The following CALD1 variants were observed in gnomAD, a reference collection of about 807,000 sequenced individuals.
The protein encoded by CALD1 is caldesmon.
A neutral mutation model predicts 99.9 loss-of-function variants in CALD1; 33 were observed. The ratio of observed to expected loss-of-function variants is 0.33; its 90% CI spans 0.25 to 0.44. The LOEUF (loss-of-function observed/expected upper bound fraction) is 0.44, where lower values mean the gene tolerates loss of function less well. Ranked by LOEUF, CALD1 falls within the 20% of genes least tolerant of loss-of-function variation. The pLI is 1.00. For missense variants in CALD1, 861 were observed against 962.1 expected (o/e 0.89, Z 1.39); for synonymous variants, 310 against 325.0 (o/e 0.95, Z 0.50).
chr7:134,895,553 T>C (rs1194594769), intron 3 of CALD1, among the ~76,000 whole-genome samples: 1 of 152,250 alleles, frequency 6.6e-6, no homozygotes, highest in South Asian at 2.1e-4. Flanking sequence ...CTTTTAAATC[T>C]CTTCTAATAC....
the CALD1 span, among the ~76,000 whole-genome samples, chr7:134,718,271 T>A: frequency 6.6e-6 from 1 of 152,232 alleles, no homozygotes; most frequent in Admixed American, 6.5e-5. Flanking sequence ...TATTGTAAGC[T>A]TGATGTCATA....
At chr7:134,856,051 A>G (rs1197157526) in intron 2 of CALD1, among the ~76,000 whole-genome samples, 1 of 152,182 alleles carries the variant, frequency 6.6e-6, no homozygotes, top group Admixed American at 6.5e-5. Context: ...GAGGAACTCT[A>G]ACATCAGCTG....
At chr7:134,735,754 A>G in the CALD1 span, among the ~76,000 whole-genome samples, 2 of 152,178 alleles carry the variant, frequency 1.3e-5, no homozygotes, top group East Asian at 3.8e-4. Flanking sequence ...TTGAATTTGG[A>G]ACTTTTTTCT....
the CALD1 span, among the ~76,000 whole-genome samples, chr7:134,715,456 C>T: frequency 6.6e-6 from 1 of 152,192 alleles, no homozygotes; most frequent in African/African-American, 2.4e-5. Context: ...AAAGACCACG[C>T]TCCATTAAAT....
chr7:134,850,170 A>G (rs1800018191), intron 2 of CALD1, among the ~76,000 whole-genome samples: 1 of 152,238 alleles, frequency 6.6e-6, no homozygotes, highest in South Asian at 2.1e-4. Flanking sequence ...ATAAACATCA[A>G]ATATGAACGG....
At chr7:134,815,249 A>G (rs369945604) in intron 1 of CALD1, among the ~76,000 whole-genome samples, 4 of 152,202 alleles carry the variant, frequency 2.6e-5, no homozygotes, top group African/African-American at 9.6e-5. Context: ...TAGGCTGTGC[A>G]TATTGTCTGA....
intron 2 of CALD1, among the ~76,000 whole-genome samples, chr7:134,853,318 CA>C (rs1800156916): frequency 6.6e-6 from 1 of 152,136 alleles, no homozygotes; most frequent in Admixed American, 6.5e-5. Flanking sequence ...CCTAGGGGAG[CA>C]AATGTCTGGC....
At chr7:134,889,023 T>C (rs1271689362) in intron 3 of CALD1, among the ~76,000 whole-genome samples, 1 of 152,196 alleles carries the variant, frequency 6.6e-6, no homozygotes, top group Non-Finnish European at 1.5e-5. Flanking sequence ...ATTCTGAATA[T>C]GCCAAAACCA....
intron 6 of CALD1, among the ~76,000 whole-genome samples, chr7:134,940,558 T>A (rs558434137): frequency 2.6e-5 from 4 of 152,322 alleles, no homozygotes; most frequent in Non-Finnish European, 5.9e-5. Context: ...TGTCCCATCC[T>A]TGGGACATAA....
chr7:134,898,343 TCTTA>T (rs1485338242), intron 3 of CALD1, among the ~76,000 whole-genome samples: 1 of 152,196 alleles, frequency 6.6e-6, no homozygotes, highest in Non-Finnish European at 1.5e-5. Context: ...TATTAAACAG[TCTTA>T]CTTTTACAAT....
At chr7:134,905,821 A>T (rs1803329948) in intron 3 of CALD1, among the ~76,000 whole-genome samples, 1 of 151,808 alleles carries the variant, frequency 6.6e-6, no homozygotes, top group Admixed American at 6.6e-5. Flanking sequence ...GGACTTCCGT[A>T]TAACTAGCCA....
chr7:134,941,800 T>G (rs1806465563), intron 7 of CALD1, among the ~76,000 whole-genome samples: 2 of 152,050 alleles, frequency 1.3e-5, no homozygotes, highest in Admixed American at 1.3e-4. Flanking sequence ...TAAGAGGGAG[T>G]GAGAGGTATG....
At chr7:134,831,777 C>T (rs1175639281) in intron 1 of CALD1, among the ~76,000 whole-genome samples, 1 of 152,056 alleles carries the variant, frequency 6.6e-6, no homozygotes, top group African/African-American at 2.4e-5. Context: ...TTACCGGCGG[C>T]GAATCTGTAG....
chr7:134,837,367 G>C (rs1013501789), intron 1 of CALD1, among the ~76,000 whole-genome samples: 2 of 150,912 alleles, frequency 1.3e-5, no homozygotes, highest in Non-Finnish European at 2.9e-5. Flanking sequence ...TCCTGAGATG[G>C]AATCTTGCAC....
At position 134,880,031 on chromosome 7, in the gene CALD1, A is replaced by G. The variant is rs545033459; in HGVS notation, c.71+12227A>G. Among the ~76,000 whole-genome samples, 5 of 152,314 alleles carry G rather than the reference A, an allele frequency of 3.3e-5. No homozygotes were observed. The South Asian group carries it at 8.3e-4, about 25-fold the overall frequency. ...AGAATAGGAAATTCTTCCAATGTTCATATTTTCCATTGTGGGTGACATGGA... is the reference window on the plus strand; with the variant it reads ...AGAATAGGAAATTCTTCCAATGTTCGTATTTTCCATTGTGGGTGACATGGA... On this transcript the variant is annotated intron_variant, in intron 3 of 14. Coordinates refer to ENST00000361675, the MANE Select transcript of CALD1 (RefSeq NM_033138.4).
intron 1 of CALD1, among the ~76,000 whole-genome samples, chr7:134,759,376 G>A (rs968450554): frequency 2.0e-5 from 3 of 152,182 alleles, no homozygotes; most frequent in Non-Finnish European, 4.4e-5. Flanking sequence ...CTGTGTGGGG[G>A]CTAGGAGGGC....
chr7:134,765,044 C>T (rs928388333), intron 1 of CALD1, among the ~76,000 whole-genome samples: 13 of 152,092 alleles, frequency 8.5e-5, no homozygotes, highest in East Asian at 1.9e-4. Context: ...AGGCTGGGCG[C>T]GGTGGCTCAC....
intron 3 of CALD1, among the ~76,000 whole-genome samples, chr7:134,868,500 C>T (rs1800908124): frequency 6.6e-6 from 1 of 152,150 alleles, no homozygotes. Flanking sequence ...ATCAGATGTT[C>T]TTTTGAGAAA....
Position 134,790,141 on chromosome 7 carries a change from G to A in CALD1, c.-130+10392G>A, listed in dbSNP as rs76242311. On this transcript the variant is annotated intron_variant, in intron 1 of 14. Coordinates refer to ENST00000361675, the MANE Select transcript of CALD1 (RefSeq NM_033138.4). The stretch of plus-strand genomic sequence containing the variant: ...ACAGAGAGGGAGGAAGGGAAAAGGG[G>A]GAAGAGGAGGGAGGGGAGAAGGAAA... Among the ~76,000 whole-genome samples, 25 of 151,588 alleles carry A rather than the reference G, an allele frequency of 1.6e-4. No homozygotes were observed. The East Asian group carries it at 4.6e-3, about 28-fold the overall frequency.
Sources: allele counts gnomAD v4.1 joint callset (sites outside exome capture counted in the v4.1 genomes callset), GRCh38; gene constraint gnomAD v4.1.1; transcripts MANE v1.5; gene names NCBI Gene and HGNC (gene_info 2026-07-23, HGNC 2026-07-21).